FAM110B: variants seen among roughly 807,000 people sequenced by gnomAD.
FAM110B encodes the protein family with sequence similarity 110 member B.
In FAM110B, 6 loss-of-function variants were observed where a neutral mutation model predicts 20.4. The observed-to-expected ratio is 0.29, with a 90% CI of 0.16 to 0.58. The LOEUF (loss-of-function observed/expected upper bound fraction) is 0.58, where lower values mean the gene tolerates loss of function less well. FAM110B is among the 20% of genes least tolerant of loss of function. The pLI, the probability that FAM110B is intolerant of heterozygous loss-of-function variation, is 0.90. For missense variants in FAM110B, 434 were observed against 498.2 expected, an observed-to-expected ratio of 0.87 and a Z score of 1.23; for synonymous variants, 226 against 214.1, an observed-to-expected ratio of 1.06 and a Z score of -0.49.
chr8:58,052,736 T>A (rs1427134353), intron 2 of FAM110B, among the ~76,000 whole-genome samples: 1 of 146,282 alleles, frequency 6.8e-6, no homozygotes, highest in African/African-American at 2.5e-5. Flanking sequence ...AATGGGTGGT[T>A]ATAAGCCTGA....
chr8:58,118,204 T>C (rs16923060), intron 3 of FAM110B, among the ~76,000 whole-genome samples: 57,099 of 152,130 alleles, frequency 0.38, 14,533 homozygotes, highest in African/African-American at 0.73. Context: ...TATTTCTCCT[T>C]TCTCCACTGA....
At chr8:58,009,278 C>G (rs1387646199) in intron 1 of FAM110B, among the ~76,000 whole-genome samples, 1 of 152,130 alleles carries the variant, frequency 6.6e-6, no homozygotes, top group East Asian at 1.9e-4. Flanking sequence ...AGCGAAGTAC[C>G]ACTGTTGATA....
chr8:58,052,993 G>A (rs886589221), intron 2 of FAM110B, among the ~76,000 whole-genome samples: 3 of 151,408 alleles, frequency 2.0e-5, no homozygotes, highest in Non-Finnish European at 2.9e-5. Flanking sequence ...CACCGTGTTA[G>A]CCAGGATGGT....
intron 1 of FAM110B, among the ~76,000 whole-genome samples, chr8:58,007,566 C>A (rs1238250641): frequency 6.6e-6 from 1 of 152,162 alleles, no homozygotes; most frequent in Non-Finnish European, 1.5e-5. Context: ...AGAGGTAGGG[C>A]CTTGGCAAGT....
At chr8:58,049,563 T>C (rs184885365) in intron 2 of FAM110B, among the ~76,000 whole-genome samples, 83 of 152,216 alleles carry the variant, frequency 5.5e-4, no homozygotes, top group African/African-American at 1.7e-3. Flanking sequence ...GACACTTTAA[T>C]TGACCCCTCG....
At chr8:57,996,435 G>T (rs982457704) in intron 1 of FAM110B, among the ~76,000 whole-genome samples, 1 of 152,126 alleles carries the variant, frequency 6.6e-6, no homozygotes, top group Admixed American at 6.5e-5. Context: ...TAAGTCTGTG[G>T]TTTTAATTTT....
intron 2 of FAM110B, among the ~76,000 whole-genome samples, chr8:58,055,680 G>T (rs1805531503): frequency 6.6e-6 from 1 of 152,164 alleles, no homozygotes; most frequent in African/African-American, 2.4e-5. Context: ...GCCTTGTTGA[G>T]AGCCAATCCT....
At chr8:58,114,967 C>T (rs1427988755) in intron 3 of FAM110B, among the ~76,000 whole-genome samples, 2 of 151,316 alleles carry the variant, frequency 1.3e-5, no homozygotes, top group Non-Finnish European at 2.9e-5. Context: ...CTAGAATTCC[C>T]GAGTGCTTTG....
rs149819813 is a variant in FAM110B, at chr8:58,042,903, C to G, written c.-414+11200C>G. On this transcript the variant is annotated intron_variant, in intron 2 of 3. Coordinates refer to ENST00000519262, the MANE Select transcript of FAM110B (RefSeq NM_001377989.1). Reference sequence around the variant, plus strand: ...CACACTGTGGGAATAGTCCTGGCTCCCTCCAGCCTGGGAAACTTTGCGTGG... The same window carrying G: ...CACACTGTGGGAATAGTCCTGGCTCGCTCCAGCCTGGGAAACTTTGCGTGG... Among the ~76,000 whole-genome samples, 23 of 152,320 alleles carry G rather than the reference C, an allele frequency of 1.5e-4. No individual in the cohort carries two copies. The East Asian group carries it at 4.4e-3, about 29-fold the overall frequency.
At chr8:57,997,046 A>G (rs1343617544) in intron 1 of FAM110B, among the ~76,000 whole-genome samples, 1 of 152,188 alleles carries the variant, frequency 6.6e-6, no homozygotes, top group Non-Finnish European at 1.5e-5. Context: ...CTTTGAAGTG[A>G]CTTTTTAAAA....
chr8:58,089,288 T>C (rs1303738047), intron 3 of FAM110B, among the ~76,000 whole-genome samples: 1 of 152,238 alleles, frequency 6.6e-6, no homozygotes, highest in Non-Finnish European at 1.5e-5. Context: ...TGGGGATCTT[T>C]ATGTAGATGT....
At chr8:58,049,615 A>G (rs1224652784) in intron 2 of FAM110B, among the ~76,000 whole-genome samples, 1 of 152,146 alleles carries the variant, frequency 6.6e-6, no homozygotes, top group Non-Finnish European at 1.5e-5. Flanking sequence ...GGCTACACTG[A>G]ATCTTAAAGA....
chr8:58,123,318 G>T (rs981521091), intron 3 of FAM110B, among the ~76,000 whole-genome samples: 1 of 152,116 alleles, frequency 6.6e-6, no homozygotes, highest in Admixed American at 6.5e-5. Flanking sequence ...TCTTTGGGGG[G>T]TGGTGCCAGG....
At chr8:58,050,844 G>T (rs964815712) in intron 2 of FAM110B, among the ~76,000 whole-genome samples, 1 of 152,152 alleles carries the variant, frequency 6.6e-6, no homozygotes, top group Non-Finnish European at 1.5e-5. Context: ...CATACACCAG[G>T]GGGTGGGAAA....
At chr8:58,092,092 T>C (rs114233707) in intron 3 of FAM110B, among the ~76,000 whole-genome samples, 17 of 152,308 alleles carry the variant, frequency 1.1e-4, no homozygotes, top group African/African-American at 3.9e-4. Context: ...TCTGTTGCTG[T>C]TAATTGAGCC....
intron 1 of FAM110B, among the ~76,000 whole-genome samples, chr8:58,006,842 C>T (rs967792230): frequency 6.8e-6 from 1 of 146,848 alleles, no homozygotes; most frequent in African/African-American, 2.5e-5. Flanking sequence ...CCCACCTCAG[C>T]CTCCCAAAGT....
intron 3 of FAM110B, among the ~76,000 whole-genome samples, chr8:58,142,627 C>T (rs1469500426): frequency 2.6e-5 from 4 of 151,710 alleles, no homozygotes; most frequent in Non-Finnish European, 2.9e-5. Context: ...TCTGATTCAG[C>T]GAACCATTAG....
intron 3 of FAM110B, among the ~76,000 whole-genome samples, chr8:58,111,925 T>G (rs1331577152): frequency 6.6e-6 from 1 of 152,214 alleles, no homozygotes; most frequent in Non-Finnish European, 1.5e-5. Flanking sequence ...ATTCATAGTT[T>G]GGGTTAGTTA....
At chr8:58,002,833 GT>G (rs1167735112) in intron 1 of FAM110B, among the ~76,000 whole-genome samples, 1 of 152,226 alleles carries the variant, frequency 6.6e-6, no homozygotes, top group Non-Finnish European at 1.5e-5. Context: ...GCTGCTGGAG[GT>G]TCTTGCCTTA....
Sources: gnomAD v4.1 joint callset for allele counts (sites outside exome capture counted in the v4.1 genomes callset) on GRCh38, gnomAD v4.1.1 for gene constraint, MANE v1.5 for transcripts, NCBI Gene and HGNC (gene_info 2026-07-23, HGNC 2026-07-21) for gene names.